Variants in PYGB observed in about 807,000 individuals in gnomAD.
PYGB encodes the protein glycogen phosphorylase B.
A neutral mutation model predicts 94.3 loss-of-function variants in PYGB; 82 were observed. The ratio of observed to expected loss-of-function variants is 0.87; its 90% confidence interval spans 0.73 to 1.04. The LOEUF (loss-of-function observed/expected upper bound fraction) is 1.04, where lower values mean the gene tolerates loss of function less well. Ranked by LOEUF, PYGB falls within the 50% of genes least tolerant of loss-of-function variation. The pLI, the probability that PYGB is intolerant of heterozygous loss-of-function variation, is 0.00. For missense variants in PYGB, 1,132 were observed against 1,158.2 expected, an observed-to-expected ratio of 0.98 and a Z score of 0.33; for synonymous variants, 488 against 479.1, an observed-to-expected ratio of 1.02 and a Z score of -0.24.
At chr20:25,255,916 A>G (rs748459051) in intron 1 of PYGB, among the ~76,000 whole-genome samples, 1 of 152,044 alleles carries the variant, frequency 6.6e-6, no homozygotes, top group Non-Finnish European at 1.5e-5. Flanking sequence ...TATTTTTAGT[A>G]GAGACGGGGT....
At chr20:25,289,791 G>A (rs2088449239) in intron 15 of PYGB, 1 of 532,334 alleles carries the variant, frequency 1.9e-6, no homozygotes, top group African/African-American at 1.9e-5. Context: ...TCTTACATAC[G>A]TCAGCATTCC....
At chr20:25,281,587 C>T (rs559725972) in intron 11 of PYGB, among the ~76,000 whole-genome samples, 9 of 152,212 alleles carry the variant, frequency 5.9e-5, no homozygotes, top group East Asian at 3.8e-4. Context: ...AGGCAGCAGC[C>T]GGCGGGAGCG....
chr20:25,278,186 C>T, intron 7 of PYGB, 133 bp from the exon 8 acceptor site: 2 of 1,018,844 alleles, frequency 2.0e-6, no homozygotes, highest in South Asian at 1.8e-5. Flanking sequence ...ACAGGCAGGC[C>T]CCAGTGTCAG....
At chr20:25,262,919 T>G (rs2092916857) in intron 2 of PYGB, among the ~76,000 whole-genome samples, 1 of 152,216 alleles carries the variant, frequency 6.6e-6, no homozygotes, top group African/African-American at 2.4e-5. Context: ...GAGCTAACTA[T>G]TCTAAATACA....
At position 25,282,095 on chromosome 20, in the gene PYGB, C is replaced by T. The variant is rs1189596954; in HGVS notation, c.1466C>T (p.Pro489Leu). 2 of 1,613,818 alleles carry T rather than the reference C, an allele frequency of 1.2e-6. No individual in the cohort carries two copies. Among genetic ancestry groups the T allele is most frequent in the Non-Finnish European group, 1.7e-6 (2 of 1,179,894 alleles). ...CAGAATAAGACCAATGGCATCACCCCCCGCCGGTGGCTGCTGCTGTGCAAC... is the reference window on the plus strand; with the variant it reads ...CAGAATAAGACCAATGGCATCACCCTCCGCCGGTGGCTGCTGCTGTGCAAC... ...KFQNKTNGIT[P>L]RRWLLLCNPG... The change falls in exon 12 of 20, where the codon CCC becomes CTC. Residue 489 changes from proline to leucine, a missense_variant. Transcript: ENST00000216962.
intron 1 of PYGB, among the ~76,000 whole-genome samples, chr20:25,253,627 TA>T (rs1234157860): frequency 4.4e-5 from 4 of 91,952 alleles, no homozygotes; most frequent in African/African-American, 1.5e-4. Context: ...TCTGCCTAAA[TA>T]AAATAAAATA....
At chr20:25,275,809 G>C (rs1366133225) in intron 5 of PYGB, among the ~76,000 whole-genome samples, 1 of 152,204 alleles carries the variant, frequency 6.6e-6, no homozygotes, top group African/African-American at 2.4e-5. Flanking sequence ...GCTCACTTGG[G>C]TGTCGCCTTG....
intron 14 of PYGB, among the ~76,000 whole-genome samples, chr20:25,285,958 C>A (rs532057106): frequency 1.3e-5 from 2 of 152,338 alleles, no homozygotes; most frequent in Non-Finnish European, 2.9e-5. Context: ...GACCCTTCAC[C>A]ATGAAGGTCG....
At position 25,282,087 on chromosome 20, in the gene PYGB, C is replaced by T. The variant is rs2088372727; in HGVS notation, c.1458C>T (p.Gly486=). Residue 486 remains glycine (G), a synonymous_variant, in exon 12 of 20, where the codon GGC becomes GGT. Transcript: ENST00000216962. The part of the protein sequence containing the change: ...EPEKFQNKTN[G]ITPRRWLLLC... ...AGAAGTTCCAGAATAAGACCAATGG[C>T]ATCACCCCCCGCCGGTGGCTGCTGC... is the stretch of plus-strand genomic sequence containing the variant. 1 of 1,613,818 alleles carries T rather than the reference C, an allele frequency of 6.2e-7. No individual in the cohort carries two copies. The highest frequency in any genetic ancestry group is 8.5e-7 in the Non-Finnish European group (1 of 1,179,866).
In PYGB at chr20:25,251,652, G is replaced by A. The variant is rs117005747; in HGVS notation, c.243+3231G>A. 2.5e-3 allele frequency among the ~76,000 whole-genome samples: 387 copies of A among 152,250 alleles called. 5 individuals are homozygous for A. The highest frequency in any genetic ancestry group is 1.6e-3 in the Non-Finnish European group (109 of 68,012). On this transcript the variant is annotated intron_variant, in intron 1 of 19. Transcript: ENST00000216962. ...GCCCATGCCCAGTTATGAGAGTCAC[G>A]GGATCCCTTCTATAACATCCTGAAA...
Position 25,292,203 on chromosome 20 carries a change from C to T in PYGB, c.1970-203C>T, listed in dbSNP as rs148925819. 1.8e-3 allele frequency among the ~76,000 whole-genome samples: 274 copies of T among 152,298 alleles called. 1 individual carries two copies. Among genetic ancestry groups the T allele is most frequent in the African/African-American group, 6.4e-3 (266 of 41,568 alleles). On this transcript the variant is annotated intron_variant, in intron 16 of 19. Transcript: ENST00000216962. The stretch of plus-strand genomic sequence containing the variant: ...TTCTGCCTCAAGGATGCCCCAGTCA[C>T]GAAGGGGAGCCCTGCAGAGGCGGGT...
intron 1 of PYGB, among the ~76,000 whole-genome samples, chr20:25,257,840 G>C (rs1460360504): frequency 1.3e-5 from 2 of 152,176 alleles, no homozygotes; most frequent in East Asian, 3.8e-4. Context: ...ACCCTGCCTG[G>C]ACAGTGCCTG....
intron 16 of PYGB, among the ~76,000 whole-genome samples, chr20:25,291,770 C>T (rs1471938209): frequency 6.6e-6 from 1 of 152,136 alleles, no homozygotes; most frequent in Non-Finnish European, 1.5e-5. Flanking sequence ...GTGCTGGCGT[C>T]AGGGCCCCGT....
intron 6 of PYGB, among the ~76,000 whole-genome samples, 161 bp from the exon 7 acceptor site, chr20:25,277,083 A>C (rs2123562391): frequency 1.3e-5 from 2 of 152,030 alleles, no homozygotes; most frequent in East Asian, 3.9e-4. Flanking sequence ...AGGAGGGATC[A>C]CGTTTACCTC....
At chr20:25,270,746 C>G (rs988128593) in intron 3 of PYGB, among the ~76,000 whole-genome samples, 5 of 152,228 alleles carry the variant, frequency 3.3e-5, no homozygotes, top group Non-Finnish European at 5.9e-5. Context: ...CCTCCCACCT[C>G]GGCTTCCCAA....
intron 1 of PYGB, among the ~76,000 whole-genome samples, chr20:25,258,096 T>G (rs1312092170): frequency 6.6e-6 from 1 of 152,198 alleles, no homozygotes; most frequent in East Asian, 1.9e-4. Context: ...ATTCAAATGA[T>G]CAAAAAAGTA....
intron 15 of PYGB, among the ~76,000 whole-genome samples, chr20:25,289,175 A>G (rs1321907955): frequency 1.3e-5 from 2 of 152,156 alleles, no homozygotes; most frequent in Non-Finnish European, 2.9e-5. Flanking sequence ...AGCTGGTCAG[A>G]GGGGTGGGCA....
At chr20:25,264,112 G>A (rs2092919280) in intron 2 of PYGB, among the ~76,000 whole-genome samples, 1 of 152,162 alleles carries the variant, frequency 6.6e-6, no homozygotes, top group South Asian at 2.1e-4. Flanking sequence ...TGGGATGCAA[G>A]GCTGGTTCAA....
intron 1 of PYGB, among the ~76,000 whole-genome samples, chr20:25,255,602 A>G (rs916636214): frequency 1.3e-5 from 2 of 152,222 alleles, no homozygotes; most frequent in South Asian, 2.1e-4. Flanking sequence ...GGTCTGAGGC[A>G]TGCTGGCACC....
Sources: allele counts gnomAD v4.1 joint callset (sites outside exome capture counted in the v4.1 genomes callset), GRCh38; gene constraint gnomAD v4.1.1; transcripts MANE v1.5; gene names NCBI Gene and HGNC (gene_info 2026-07-23, HGNC 2026-07-21).